RAB40B: variants seen among roughly 807,000 people sequenced by gnomAD.
RAB40B encodes ras-related protein Rab-40B.
Under a neutral mutation model 24.0 loss-of-function variants are expected in RAB40B, and 21 were observed. That is an observed-to-expected ratio of 0.88 (90% CI 0.62 to 1.26). The LOEUF is 1.26. Ranked by LOEUF, RAB40B falls within the 50% of genes most tolerant of loss-of-function variation. The probability of loss-of-function intolerance (pLI) is 0.00; values close to 1 mark genes in which losing one functional copy is unlikely to be tolerated. For synonymous variants in RAB40B, 167 were observed against 169.8 expected (o/e 0.98, Z 0.13); for missense variants, 348 against 390.5 (o/e 0.89, Z 0.92).
At chr17:82,673,221 C>A (rs904633572) in intron 1 of RAB40B, among the ~76,000 whole-genome samples, 1 of 152,048 alleles carries the variant, frequency 6.6e-6, no homozygotes, top group Non-Finnish European at 1.5e-5. Flanking sequence ...AAAATTGCCT[C>A]ATGTTTACTT....
chr17:82,677,236 C>T (rs930454473), intron 1 of RAB40B, among the ~76,000 whole-genome samples: 2 of 152,186 alleles, frequency 1.3e-5, no homozygotes, highest in African/African-American at 4.8e-5. Context: ...CGTGAGCCAC[C>T]GCTCCCGGCC....
rs2046620843 is a variant in RAB40B, at chr17:82,697,376, T to C, written c.142+1079A>G. Among the ~76,000 whole-genome samples, 1 of 152,166 alleles carries C rather than the reference T, an allele frequency of 6.6e-6. No homozygotes were observed. The highest frequency in any genetic ancestry group is 2.1e-4 in the South Asian group (1 of 4,832). Reference sequence around the variant, plus strand: ...CACCCTCTCCCGCTAAGTTCGTCTCTGGCAGGACCCTGGACCTGGGGCTTC... The same window carrying C: ...CACCCTCTCCCGCTAAGTTCGTCTCCGGCAGGACCCTGGACCTGGGGCTTC... On this transcript the variant is annotated intron_variant, in intron 1 of 5. Transcript: ENST00000571995. The surrounding 1 kb of genome is among the most constrained non-coding windows in gnomAD (Gnocchi z 4.9).
At chr17:82,661,311 T>G in intron 2 of RAB40B, 2 of 1,223,628 alleles carry the variant, frequency 1.6e-6, no homozygotes, top group Non-Finnish European at 2.1e-6. Context: ...TTCTCAGATA[T>G]TTAAATACAT....
chr17:82,698,092 G>A (rs1264589497), intron 1 of RAB40B, among the ~76,000 whole-genome samples: 1 of 151,904 alleles, frequency 6.6e-6, no homozygotes, highest in Non-Finnish European at 1.5e-5. Context: ...CCACAGCAGC[G>A]GCCCCAGGTC....
chr17:82,657,570 G>C lies in RAB40B; in HGVS notation c.*293C>G. ...CAAAAGCAGTTATTTTAAGGAAAAA[G>C]TTGCAGTGCAATCATGATAAAGTAA... On this transcript the variant is annotated 3_prime_UTR_variant, in exon 6 of 6. Transcript: ENST00000571995. The C allele has an allele frequency of 2.0e-6, 1 of 497,756 alleles. No individual in the cohort carries two copies. Among genetic ancestry groups the C allele is most frequent in the Non-Finnish European group, 3.7e-6 (1 of 270,126 alleles). 30.8% of individuals were successfully genotyped at this position (497,756 alleles called of 1,614,324 possible).
chr17:82,666,657 T>G (rs1389139728), intron 1 of RAB40B, among the ~76,000 whole-genome samples: 1 of 151,676 alleles, frequency 6.6e-6, no homozygotes, highest in African/African-American at 2.4e-5. Flanking sequence ...CGCTTCCGGA[T>G]GAGCACCAGG....
intron 4 of RAB40B, 107 bp from the exon 5 acceptor site, chr17:82,658,820 A>T: frequency 1.0e-6 from 1 of 985,756 alleles, no homozygotes; most frequent in Non-Finnish European, 1.5e-6. Flanking sequence ...GTTCATGTCC[A>T]CCCAGAACCT....
chr17:82,676,081 G>T (rs1398560715), intron 1 of RAB40B, among the ~76,000 whole-genome samples: 2 of 152,038 alleles, frequency 1.3e-5, no homozygotes, highest in Non-Finnish European at 2.9e-5. Context: ...CATCTCCCCC[G>T]GGTCTCCGTT....
At chr17:82,661,160 C>T in intron 2 of RAB40B, 113 bp from the exon 3 acceptor site, 1 of 1,504,836 alleles carries the variant, frequency 6.6e-7, no homozygotes, top group Non-Finnish European at 8.9e-7. Flanking sequence ...TCAGCAGCCA[C>T]CACGCCGCCA....
chr17:82,676,600 C>G (rs557316221), intron 1 of RAB40B, among the ~76,000 whole-genome samples: 89 of 152,144 alleles, frequency 5.8e-4, no homozygotes, highest in African/African-American at 2.1e-3. Flanking sequence ...AGTTTGACAT[C>G]TCTGCTTCAG....
chr17:82,659,337 TA>T, intron 4 of RAB40B: 4 of 522,022 alleles, frequency 7.7e-6, no homozygotes, highest in Non-Finnish European at 6.9e-6. Flanking sequence ...ATAGCCGAGG[TA>T]CGCCGTGGAC....
rs113985277 is a variant in RAB40B at position 82,664,012 on chromosome 17, G to A, written c.203+484C>T. On this transcript the variant is annotated intron_variant, in intron 2 of 5. Transcript: ENST00000571995. ...GTGGTGGGAGGGTGTTCCCGGGGGC[G>A]CTGTGCCAACGGTGGTGGGGGAAGG... is the stretch of plus-strand genomic sequence containing the variant. Among the ~76,000 whole-genome samples, 48 of 144,056 alleles carry A rather than the reference G, an allele frequency of 3.3e-4. 1 individual carries two copies. The highest frequency in any genetic ancestry group is 1.1e-3 in the African/African-American group (43 of 38,530). The allele number at this position is 144,056 out of a possible 152,430, so 94.5% of individuals were successfully genotyped here. A position where few individuals can be genotyped will look rare whatever the true frequency, so the allele number is the denominator to read the frequency against.
chr17:82,684,982 C>T lies in RAB40B; in HGVS notation c.142+13473G>A, dbSNP rs531089738. On this transcript the variant is annotated intron_variant, in intron 1 of 5. Transcript: ENST00000571995. ...TAGAAAAATTACCCGGGCGTGGTGG[C>T]AGGCGCCTATAATCCCAGCTACTCA... is the stretch of plus-strand genomic sequence containing the variant. Among the ~76,000 whole-genome samples, 5 of 151,722 alleles carry T rather than the reference C, an allele frequency of 3.3e-5. No homozygotes were observed. In the East Asian group the frequency reaches 9.7e-4, roughly 30 times the overall value.
At chr17:82,690,337 G>GCAGAGACATGTTTATTGGTGA (rs907674717) in intron 1 of RAB40B, among the ~76,000 whole-genome samples, 1 of 149,034 alleles carries the variant, frequency 6.7e-6, no homozygotes, top group Non-Finnish European at 1.5e-5. Flanking sequence ...GTTCCTGGGA[G>GCAGAGACATGTTTATTGGTGA]CAGAGAGTGT....
chr17:82,660,964 C>T (rs1387289998), intron 3 of RAB40B, 23 bp downstream of exon 3: 1 of 1,611,718 alleles, frequency 6.2e-7, no homozygotes, highest in Non-Finnish European at 8.5e-7. Flanking sequence ...TTTGATCTCC[C>T]AGCTCGGGGG....
At chr17:82,694,981 T>G (rs10852798) in intron 1 of RAB40B, among the ~76,000 whole-genome samples, 31,868 of 151,488 alleles carry the variant, frequency 0.21, 3,731 homozygotes, top group African/African-American at 0.26. Flanking sequence ...AACAGAGACA[T>G]AAATGGTAAA....
intron 1 of RAB40B, among the ~76,000 whole-genome samples, chr17:82,671,480 C>CAG (rs746141997): frequency 0.013 from 1,376 of 109,922 alleles, 9 homozygotes; most frequent in Non-Finnish European, 0.02. Context: ...CTAACACACA[C>CAG]TCACATGCTC....
chr17:82,660,189 A>G (rs1380893255), intron 3 of RAB40B, among the ~76,000 whole-genome samples: 3 of 151,886 alleles, frequency 2.0e-5, no homozygotes, highest in Non-Finnish European at 4.4e-5. Context: ...TTGCATACAC[A>G]TACACATAGG....
In RAB40B at chr17:82,658,552, C is replaced by G; in HGVS notation, c.504G>C (p.Thr168=). 1.2e-6 allele frequency: 2 copies of G among 1,613,404 alleles called. No individual in the cohort carries two copies. Among genetic ancestry groups the G allele is most frequent in the Non-Finnish European group, 1.7e-6 (2 of 1,179,992 alleles). Residue 168 remains threonine (T), a synonymous_variant, in exon 5 of 6, where the codon ACG becomes ACC. Transcript: ENST00000571995. The stretch of plus-strand genomic sequence containing the variant: ...GCAGCAGCACGATCCTGGCCAGCTC[C>G]GTGAACGACTCTGTGATGTTGAAAT... ...LCNFNITESF[T]ELARIVLLRH... is the part of the protein sequence containing the mutation.
Sources: allele counts gnomAD v4.1 joint callset (sites outside exome capture counted in the v4.1 genomes callset), GRCh38; gene constraint gnomAD v4.1.1; non-coding constraint Gnocchi (gnomAD v3.1); transcripts MANE v1.5; gene names NCBI Gene and HGNC (gene_info 2026-07-23, HGNC 2026-07-21).